Variants in CEP350 observed in about 807,000 individuals in gnomAD.
CEP350 encodes the protein centrosomal protein 350, also known as centrosome-associated protein 350.
A neutral mutation model predicts 331.8 loss-of-function variants in CEP350; 126 were observed. The observed-to-expected ratio is 0.38, with a 90% CI of 0.33 to 0.44. The LOEUF (loss-of-function observed/expected upper bound fraction) is 0.44. CEP350 is among the 20% of genes least tolerant of loss of function. The probability of loss-of-function intolerance (pLI) is 1.00; values close to 1 mark genes in which losing one functional copy is unlikely to be tolerated. For synonymous variants in CEP350, 1,200 were observed against 1,259.5 expected (o/e 0.95, Z 1.00); for missense variants, 3,406 against 3,634.6 (o/e 0.94, Z 1.62).
intron 31 of CEP350, 61 bp downstream of exon 31, chr1:180,084,239 G>A: frequency 1.5e-6 from 2 of 1,358,398 alleles, no homozygotes; most frequent in Admixed American, 3.3e-5. Context: ...CGTCTAAAAT[G>A]TTTTTAATGT....
chr1:180,069,295 A>G (rs1350404525), intron 27 of CEP350, among the ~76,000 whole-genome samples: 8 of 152,322 alleles, frequency 5.3e-5, no homozygotes, highest in Admixed American at 2.6e-4. Flanking sequence ...AAGCAAATAA[A>G]TATTTTATGA....
chr1:180,028,291 A>G (rs995296051), intron 14 of CEP350, among the ~76,000 whole-genome samples: 6 of 152,246 alleles, frequency 3.9e-5, no homozygotes, highest in East Asian at 1.9e-4. Context: ...TGAATCATCA[A>G]TCATCATTTT....
intron 1 of CEP350, among the ~76,000 whole-genome samples, chr1:179,960,119 G>A (rs908782631): frequency 2.0e-5 from 3 of 152,134 alleles, no homozygotes; most frequent in African/African-American, 4.8e-5. Flanking sequence ...GCCTGTCCCG[G>A]CAAGTAGGGC....
chr1:180,013,863 A>G lies in CEP350; in HGVS notation c.1410A>G (p.Arg470=), dbSNP rs1654807318. ...RTAKSGGHIG[R]AESDPRLDVL... is the part of the protein sequence containing the mutation. ...ACTTTGCAGGGGGTCACATTGGAAG[A>G]GCAGAATCTGATCCCAGGTTGGACG... Residue 470 remains arginine, a synonymous_variant, in exon 10 of 38, where the codon AGA becomes AGG. Transcript: ENST00000367607. 1 of 1,610,030 alleles carries G rather than the reference A, an allele frequency of 6.2e-7. No homozygotes were observed. Among genetic ancestry groups the G allele is most frequent in the African/African-American group, 1.3e-5 (1 of 74,676 alleles).
At chr1:180,076,195 T>A (rs908518931) in intron 28 of CEP350, among the ~76,000 whole-genome samples, 19 of 151,688 alleles carry the variant, frequency 1.3e-4, no homozygotes, top group Non-Finnish European at 2.9e-5. Flanking sequence ...GAAAACCTGG[T>A]ATTATAGTTC....
chr1:180,042,132 T>TCTCTCACACACACACACACACA (rs1553258521), intron 19 of CEP350, among the ~76,000 whole-genome samples: 4 of 146,868 alleles, frequency 2.7e-5, no homozygotes, highest in African/African-American at 1.0e-4. Context: ...GAGTTTTCTC[T>TCTCTCACACACACACACACACA]CACACACACA....
At chr1:180,078,147 T>G (rs930227883) in intron 28 of CEP350, among the ~76,000 whole-genome samples, 5 of 150,052 alleles carry the variant, frequency 3.3e-5, no homozygotes, top group Admixed American at 3.3e-4. Flanking sequence ...AAAAAAAAAA[T>G]TACATGAAAG....
chr1:180,062,425 C>T, intron 26 of CEP350, 59 bp downstream of exon 26: 2 of 1,485,258 alleles, frequency 1.3e-6, no homozygotes, highest in South Asian at 2.7e-5. Flanking sequence ...GGTATCTAAC[C>T]CTGTCTCATG....
rs1558113998 is a variant in CEP350 at position 180,031,387 on chromosome 1, C to G, written c.3618C>G (p.Ser1206=). The part of the protein sequence containing the change: ...LLDEEKAERG[S]HQGKKSGTSS... Reference sequence around the variant, plus strand: ...ATGAGGAAAAAGCAGAACGTGGCTCCCATCAAGGAAAGAAATCTGGGACCA... The same window carrying G: ...ATGAGGAAAAAGCAGAACGTGGCTCGCATCAAGGAAAGAAATCTGGGACCA... Residue 1206 remains serine (S), a synonymous_variant, in exon 15 of 38, where the codon TCC becomes TCG. Coordinates refer to ENST00000367607, the MANE Select transcript of CEP350 (RefSeq NM_014810.5). 6.2e-7 allele frequency: 1 copy of G among 1,607,702 alleles called. No individual in the cohort carries two copies. Among genetic ancestry groups the G allele is most frequent in the East Asian group, 2.2e-5 (1 of 44,526 alleles).
At chr1:179,967,534 C>G (rs1303592755) in intron 1 of CEP350, among the ~76,000 whole-genome samples, 1 of 152,120 alleles carries the variant, frequency 6.6e-6, no homozygotes, top group Non-Finnish European at 1.5e-5. Flanking sequence ...GTCTTAGCCT[C>G]CCAAGTAGCT....
chr1:180,110,757 A>G (rs1006803338), intron 37 of CEP350, among the ~76,000 whole-genome samples: 8 of 152,198 alleles, frequency 5.3e-5, no homozygotes, highest in Non-Finnish European at 8.8e-5. Flanking sequence ...TCTTTAATAT[A>G]TATGAAATAC....
intron 25 of CEP350, among the ~76,000 whole-genome samples, chr1:180,056,610 C>T (rs1247344112): frequency 6.6e-6 from 1 of 151,836 alleles, no homozygotes; most frequent in East Asian, 1.9e-4. Context: ...GCTGGGACCA[C>T]AGGTGTGCGC....
intron 11 of CEP350, among the ~76,000 whole-genome samples, chr1:180,019,682 T>C (rs1025512040): frequency 1.3e-5 from 2 of 152,216 alleles, no homozygotes; most frequent in African/African-American, 4.8e-5. Flanking sequence ...CAAAACAGTA[T>C]ATATGGTAAA....
At chr1:180,059,423 A>G (rs1485621596) in intron 25 of CEP350, among the ~76,000 whole-genome samples, 1 of 152,198 alleles carries the variant, frequency 6.6e-6, no homozygotes, top group Non-Finnish European at 1.5e-5. Context: ...ACTTACTTGC[A>G]GTTAAAAAAA....
chr1:179,992,889 G>GT (rs1287817267), intron 5 of CEP350, among the ~76,000 whole-genome samples: 2 of 152,176 alleles, frequency 1.3e-5, no homozygotes, highest in East Asian at 1.9e-4. Context: ...CACTGGGCCT[G>GT]TTTTTTTGTT....
At chr1:180,039,806 A>AACG (rs1422485889) in intron 17 of CEP350, among the ~76,000 whole-genome samples, 1 of 152,154 alleles carries the variant, frequency 6.6e-6, no homozygotes, top group African/African-American at 2.4e-5. Context: ...CAACAACAAC[A>AACG]AAAAGCCTGG....
At chr1:180,047,913 G>C (rs781284320) in intron 21 of CEP350, among the ~76,000 whole-genome samples, 1 of 152,046 alleles carries the variant, frequency 6.6e-6, no homozygotes, top group African/African-American at 2.4e-5. Flanking sequence ...GATATAAGAA[G>C]GGAGGGCTCT....
chr1:180,044,270 A>C (rs1263298417), intron 21 of CEP350, 97 bp downstream of exon 21: 1 of 1,253,834 alleles, frequency 8.0e-7, no homozygotes, highest in African/African-American at 1.5e-5. Context: ...TGTTTATTTA[A>C]ATAGAACAGT....
intron 1 of CEP350, among the ~76,000 whole-genome samples, chr1:179,976,795 T>C (rs1209292494): frequency 6.6e-6 from 1 of 152,230 alleles, no homozygotes; most frequent in East Asian, 1.9e-4. Flanking sequence ...ACTATTTTGT[T>C]GGATCCTCTT....
Sources: gnomAD v4.1 joint callset for allele counts (sites outside exome capture counted in the v4.1 genomes callset) on GRCh38, gnomAD v4.1.1 for gene constraint, MANE v1.5 for transcripts, NCBI Gene and HGNC (gene_info 2026-07-23, HGNC 2026-07-21) for gene names.